The following TMEM217B variants were observed in gnomAD, a reference collection of about 807,000 sequenced individuals.
The protein encoded by TMEM217B is transmembrane protein 217B, also known as putative transmembrane protein 217B.
chr6:37,256,420 T>G, the TMEM217B span, among the ~76,000 whole-genome samples: 2 of 152,158 alleles, frequency 1.3e-5, no homozygotes. Context: ...TGCTGGTCAC[T>G]GCATCCTAAG....
chr6:37,250,186 C>A, the TMEM217B span, among the ~76,000 whole-genome samples: 1 of 152,176 alleles, frequency 6.6e-6, no homozygotes, highest in Non-Finnish European at 1.5e-5. Flanking sequence ...CTTAAGGTTA[C>A]AAACATAGGT....
At chr6:37,242,008 A>ATTT in the TMEM217B span, among the ~76,000 whole-genome samples, 3 of 130,030 alleles carry the variant, frequency 2.3e-5, no homozygotes, top group Non-Finnish European at 5.0e-5. Flanking sequence ...TTCGATCTCA[A>ATTT]TTTTTTTTTT....
the TMEM217B span, among the ~76,000 whole-genome samples, chr6:37,225,007 T>A: frequency 2.0e-4 from 29 of 148,342 alleles, no homozygotes; most frequent in Non-Finnish European, 3.1e-4. Flanking sequence ...GGCCCATCTC[T>A]ATAAAAAAAA....
At chr6:37,246,892 G>A in the TMEM217B span, among the ~76,000 whole-genome samples, 105 of 117,426 alleles carry the variant, frequency 8.9e-4, 1 homozygote, top group African/African-American at 3.2e-3. Flanking sequence ...AACAGAGCAA[G>A]ACTCTGTCTC....
chr6:37,249,761 T>C, the TMEM217B span, among the ~76,000 whole-genome samples: 4 of 152,242 alleles, frequency 2.6e-5, no homozygotes, highest in African/African-American at 4.8e-5. Context: ...TGAAACCATG[T>C]TATAGGAAAC....
chr6:37,227,548 G>A, the TMEM217B span, among the ~76,000 whole-genome samples: 2 of 152,136 alleles, frequency 1.3e-5, no homozygotes, highest in Non-Finnish European at 2.9e-5. Context: ...CCAGATTCAA[G>A]CAATTCTCCT....
At chr6:37,250,522 A>G in the TMEM217B span, among the ~76,000 whole-genome samples, 2 of 152,250 alleles carry the variant, frequency 1.3e-5, no homozygotes, top group African/African-American at 4.8e-5. Context: ...TTTGGAGAAC[A>G]TTTTGCAACA....
chr6:37,248,437 T>C, the TMEM217B span, among the ~76,000 whole-genome samples: 1 of 152,208 alleles, frequency 6.6e-6, no homozygotes, highest in South Asian at 2.1e-4. Context: ...CTCACCTTCA[T>C]GGCATTCCCC....
chr6:37,213,764 G>T, the TMEM217B span, among the ~76,000 whole-genome samples: 1 of 152,236 alleles, frequency 6.6e-6, no homozygotes, highest in Non-Finnish European at 1.5e-5. Context: ...GCTGGAGTAG[G>T]CTGGGCCTAC....
At chr6:37,227,528 C>A in the TMEM217B span, among the ~76,000 whole-genome samples, 1 of 152,140 alleles carries the variant, frequency 6.6e-6, no homozygotes, top group African/African-American at 2.4e-5. Context: ...CTCACTGCAA[C>A]CTCCATCTCC....
the TMEM217B span, among the ~76,000 whole-genome samples, chr6:37,222,633 C>T: frequency 6.6e-6 from 1 of 152,236 alleles, no homozygotes; most frequent in Admixed American, 6.5e-5. Flanking sequence ...GAGGGCAGAT[C>T]CTGCCTATTC....
the TMEM217B span, among the ~76,000 whole-genome samples, chr6:37,213,295 T>C: frequency 6.6e-6 from 1 of 152,224 alleles, no homozygotes; most frequent in African/African-American, 2.4e-5. Flanking sequence ...CCTGTTGATG[T>C]AGGTTTGTGG....
the TMEM217B span, among the ~76,000 whole-genome samples, chr6:37,247,448 C>T: frequency 0.83 from 123,860 of 149,812 alleles, 51,757 homozygotes; most frequent in South Asian, 0.91. Context: ...AGTGCGGTGA[C>T]GCGACCTCAG....
At chr6:37,236,594 C>A in the TMEM217B span, among the ~76,000 whole-genome samples, 1 of 152,180 alleles carries the variant, frequency 6.6e-6, no homozygotes, top group East Asian at 1.9e-4. Context: ...CTTGGCTTCA[C>A]CATTTACTGT....
At chr6:37,225,072 T>A in the TMEM217B span, among the ~76,000 whole-genome samples, 1 of 150,916 alleles carries the variant, frequency 6.6e-6, no homozygotes, top group Non-Finnish European at 1.5e-5. Flanking sequence ...TGGTGGCACA[T>A]CCCTGTAATC....
At chr6:37,256,174 G>C in the TMEM217B span, among the ~76,000 whole-genome samples, 1 of 152,322 alleles carries the variant, frequency 6.6e-6, no homozygotes, top group Non-Finnish European at 1.5e-5. Flanking sequence ...ACATGGATGA[G>C]TGTATGGCAG....
the TMEM217B span, chr6:37,213,123 G>A: frequency 7.5e-6 from 5 of 664,254 alleles, no homozygotes; most frequent in Non-Finnish European, 1.3e-5. Context: ...GCAATAGGCT[G>A]GAAGTTAAGG....
At chr6:37,224,612 AACG>A in the TMEM217B span, among the ~76,000 whole-genome samples, 2 of 52,126 alleles carry the variant, frequency 3.8e-5, no homozygotes, top group Non-Finnish European at 9.9e-5. Flanking sequence ...CAAACAAACA[AACG>A]AAAAAAAAAC....
chr6:37,239,508 G>A, the TMEM217B span, among the ~76,000 whole-genome samples: 1 of 138,936 alleles, frequency 7.2e-6, no homozygotes, highest in Non-Finnish European at 1.6e-5. Flanking sequence ...AAATAAATAA[G>A]TAAATAAAAT....
Sources: allele counts gnomAD v4.1 joint callset (sites outside exome capture counted in the v4.1 genomes callset), GRCh38; gene constraint gnomAD v4.1.1; transcripts MANE v1.5; gene names NCBI Gene and HGNC (gene_info 2026-07-23, HGNC 2026-07-21).